CCSER1: variants seen among roughly 807,000 people sequenced by gnomAD.
CCSER1 encodes coiled-coil serine rich protein 1.
In CCSER1, 41 loss-of-function variants were observed where a neutral mutation model predicts 82.0. The observed-to-expected ratio is 0.50, with a 90% CI of 0.39 to 0.65. The LOEUF (loss-of-function observed/expected upper bound fraction) is 0.65, where lower values mean the gene tolerates loss of function less well. Ranked by LOEUF, CCSER1 falls within the 30% of genes least tolerant of loss-of-function variation. The pLI is 0.00. For missense variants in CCSER1, 1,119 were observed against 1,064.2 expected (o/e 1.05, Z -0.72); for synonymous variants, 414 against 383.9 (o/e 1.08, Z -0.92).
At chr4:91,238,641 T>C (rs1739205200) in intron 10 of CCSER1, among the ~76,000 whole-genome samples, 1 of 152,174 alleles carries the variant, frequency 6.6e-6, no homozygotes, top group Non-Finnish European at 1.5e-5. Context: ...ATTATTTTAA[T>C]TTAAGGTCAT....
chr4:91,002,521 G>T (rs1338828412), intron 9 of CCSER1, among the ~76,000 whole-genome samples: 1 of 152,040 alleles, frequency 6.6e-6, no homozygotes, highest in Admixed American at 6.5e-5. Context: ...TCTTTATTCT[G>T]CTTGCTCCAG....
intron 4 of CCSER1, among the ~76,000 whole-genome samples, chr4:90,455,275 C>T (rs1436537312): frequency 1.3e-5 from 2 of 152,188 alleles, no homozygotes; most frequent in African/African-American, 2.4e-5. Flanking sequence ...AATTCAGCCA[C>T]ACCTTAGTGC....
chr4:90,228,345 AC>A (rs909887700), intron 1 of CCSER1, among the ~76,000 whole-genome samples: 1 of 151,832 alleles, frequency 6.6e-6, no homozygotes, highest in Non-Finnish European at 1.5e-5. Flanking sequence ...ACTGGGAGGC[AC>A]CCCCCAGCAG....
intron 10 of CCSER1, chr4:91,112,834 G>A (rs909101556): frequency 6.6e-6 from 1 of 152,116 alleles, no homozygotes; most frequent in African/African-American, 2.4e-5. Flanking sequence ...TTTCATGGAA[G>A]AATATTACTA....
intron 10 of CCSER1, among the ~76,000 whole-genome samples, chr4:91,100,324 AG>A (rs1351184352): frequency 6.6e-6 from 1 of 152,160 alleles, no homozygotes; most frequent in East Asian, 1.9e-4. Context: ...AAGCTCTTTG[AG>A]TAGTGTCTGG....
intron 10 of CCSER1, among the ~76,000 whole-genome samples, chr4:91,431,212 G>A (rs1197996551): frequency 6.6e-6 from 1 of 152,020 alleles, no homozygotes; most frequent in Non-Finnish European, 1.5e-5. Context: ...CTCCAGTCTG[G>A]GCAACAGAGC....
At chr4:90,382,527 A>C (rs996546346) in intron 3 of CCSER1, among the ~76,000 whole-genome samples, 1 of 152,068 alleles carries the variant, frequency 6.6e-6, no homozygotes, top group Non-Finnish European at 1.5e-5. Flanking sequence ...CTCTGGGATG[A>C]GGTAGCAATG....
intron 7 of CCSER1, among the ~76,000 whole-genome samples, chr4:90,813,941 G>A (rs1479678422): frequency 6.6e-6 from 1 of 152,152 alleles, no homozygotes; most frequent in African/African-American, 2.4e-5. Context: ...AACCCCACAT[G>A]TCCCTTCTGC....
chr4:90,425,085 A>C (rs1318978290), intron 4 of CCSER1, among the ~76,000 whole-genome samples: 1 of 152,110 alleles, frequency 6.6e-6, no homozygotes, highest in Non-Finnish European at 1.5e-5. Flanking sequence ...ATCAGTGTCC[A>C]TTAGTGCCAT....
intron 10 of CCSER1, among the ~76,000 whole-genome samples, chr4:91,508,888 A>G (rs181954526): frequency 1.3e-5 from 2 of 151,934 alleles, no homozygotes; most frequent in Non-Finnish European, 2.9e-5. Context: ...GGTGATTCAT[A>G]ATATTTCCCC....
At chr4:91,503,104 A>G (rs1322689467) in intron 10 of CCSER1, among the ~76,000 whole-genome samples, 1 of 152,142 alleles carries the variant, frequency 6.6e-6, no homozygotes, top group African/African-American at 2.4e-5. Context: ...GCACTTTGGG[A>G]GGCCGAGGCG....
intron 5 of CCSER1, among the ~76,000 whole-genome samples, chr4:90,546,662 A>T (rs545935323): frequency 1.3e-5 from 2 of 152,136 alleles, no homozygotes; most frequent in African/African-American, 4.8e-5. Context: ...GACTTTTAAT[A>T]AAAAAAATTT....
At chr4:91,449,631 T>G (rs572938466) in intron 10 of CCSER1, among the ~76,000 whole-genome samples, 200 of 152,214 alleles carry the variant, frequency 1.3e-3, no homozygotes, top group African/African-American at 4.6e-3. Context: ...CATTTGGTTC[T>G]CCTCACTCCA....
intron 10 of CCSER1, among the ~76,000 whole-genome samples, chr4:91,259,634 C>A (rs180712547): frequency 1.3e-5 from 2 of 151,192 alleles, no homozygotes; most frequent in Non-Finnish European, 2.9e-5. Flanking sequence ...ATGTTCCCCT[C>A]CCTGTGTCCA....
intron 4 of CCSER1, among the ~76,000 whole-genome samples, chr4:90,444,021 A>G (rs1760273279): frequency 6.6e-6 from 1 of 151,928 alleles, no homozygotes; most frequent in South Asian, 2.1e-4. Context: ...GAATTTGTGA[A>G]TTTGTGTTTT....
chr4:90,802,317 A>G (rs1282221163), intron 7 of CCSER1, among the ~76,000 whole-genome samples: 4 of 148,732 alleles, frequency 2.7e-5, no homozygotes, highest in African/African-American at 9.8e-5. Flanking sequence ...CTGTGGGTAA[A>G]CTATGTGAAT....
intron 4 of CCSER1, among the ~76,000 whole-genome samples, chr4:90,467,292 G>T (rs576433621): frequency 6.6e-6 from 1 of 152,206 alleles, no homozygotes; most frequent in African/African-American, 2.4e-5. Context: ...GCTGAGGTAG[G>T]AGAATCACTT....
intron 5 of CCSER1, among the ~76,000 whole-genome samples, chr4:90,573,218 G>A (rs1780321936): frequency 2.0e-5 from 3 of 152,368 alleles, no homozygotes; most frequent in South Asian, 4.1e-4. Flanking sequence ...TGTGCCTGAA[G>A]CACAGTGCAG....
chr4:91,413,890 T>G (rs550176548), intron 10 of CCSER1, among the ~76,000 whole-genome samples: 24 of 152,060 alleles, frequency 1.6e-4, no homozygotes, highest in Non-Finnish European at 2.9e-4. Flanking sequence ...GGATAATATA[T>G]TAAAATTGCT....
Sources: gnomAD v4.1 joint callset for allele counts (sites outside exome capture counted in the v4.1 genomes callset) on GRCh38, gnomAD v4.1.1 for gene constraint, MANE v1.5 for transcripts, NCBI Gene and HGNC (gene_info 2026-07-23, HGNC 2026-07-21) for gene names.